The following ME1 variants were observed in gnomAD, a reference collection of about 807,000 sequenced individuals.
ME1 encodes the protein NADP-dependent malic enzyme.
Under a neutral mutation model 66.4 loss-of-function variants are expected in ME1, and 74 were observed. The observed-to-expected ratio is 1.11, with a 90% CI of 0.92 to 1.35. ME1 has a LOEUF of 1.35. Among genes scored for constraint, ME1 ranks in the 40% most tolerant of loss-of-function variants. The probability of loss-of-function intolerance (pLI) is 0.00; values close to 1 mark genes in which losing one functional copy is unlikely to be tolerated. For synonymous variants in ME1, 251 were observed against 235.6 expected (o/e 1.07, Z -0.60); for missense variants, 750 against 694.1 (o/e 1.08, Z -0.90).
At chr6:83,235,888 G>A (rs1483629196) in intron 9 of ME1, among the ~76,000 whole-genome samples, 3 of 151,916 alleles carry the variant, frequency 2.0e-5, no homozygotes, top group Non-Finnish European at 2.9e-5. Context: ...ACATATTTAT[G>A]TATATTAATT....
rs1200239613 is a variant in ME1 at position 83,315,401 on chromosome 6, C to A, written c.613G>T (p.Asp205Tyr). 3 of 1,578,256 alleles carry A rather than the reference C, an allele frequency of 1.9e-6. No individual in the cohort carries two copies. Among genetic ancestry groups the A allele is most frequent in the Middle Eastern group, 1.7e-4 (1 of 5,914 alleles). The change falls in exon 6 of 14, where the codon GAT (aspartate) becomes TAT (tyrosine). Residue 205 changes from aspartate to tyrosine, a missense_variant. By Grantham distance (160) the Asp-to-Tyr change is radical (BLOSUM62 -3). Transcript: ENST00000369705. ...TGCCGTAGTCCAATGTAGAGTGGAT[C>A]TTTAAGTAACTCCTATTAAAAAAAG... ...VGTENEELLK[D>Y]PLYIGLRQRR...
chr6:83,430,809 ACCTGCAAGAGGGC>A, intron 1 of ME1, 55 bp downstream of exon 1: 1 of 1,346,866 alleles, frequency 7.4e-7, no homozygotes, highest in Non-Finnish European at 1.0e-6. Context: ...TGGTGCGGGG[ACCTGCAAGAGGGC>A]CCTGACCCTG....
intron 1 of ME1, among the ~76,000 whole-genome samples, chr6:83,416,888 T>C (rs866610966): frequency 2.8e-5 from 4 of 141,760 alleles, no homozygotes; most frequent in African/African-American, 5.1e-5. Context: ...AGAGTGAGAT[T>C]TGTCTAAAAA....
rs1054348214 is a variant in ME1, at chr6:83,211,071, C to T, written c.*853G>A. On this transcript the variant is annotated 3_prime_UTR_variant, in exon 14 of 14. Transcript: ENST00000369705. ...TCCTGAGATCTTTAAGAGGTCAGTT[C>T]CTCAGGCAGCCCTTTCTCAAGGATC... 32 of 152,188 alleles carry T rather than the reference C, an allele frequency of 2.1e-4. No homozygotes were observed. The highest frequency in any genetic ancestry group is 6.8e-4 in the African/African-American group (28 of 41,452). The allele number at this position is 152,188 out of a possible 1,614,324, so 9.4% of individuals were successfully genotyped here. A position where few individuals can be genotyped will look rare whatever the true frequency, so the allele number is the denominator to read the frequency against.
At chr6:83,290,079 C>A (rs558891686) in intron 6 of ME1, among the ~76,000 whole-genome samples, 2 of 152,152 alleles carry the variant, frequency 1.3e-5, no homozygotes, top group Non-Finnish European at 2.9e-5. Context: ...AAAAAACCAG[C>A]TCCTGCATTC....
chr6:83,213,733 G>A (rs958257548), intron 13 of ME1, among the ~76,000 whole-genome samples: 1 of 152,032 alleles, frequency 6.6e-6, no homozygotes, highest in East Asian at 1.9e-4. Flanking sequence ...TGATTTCAAA[G>A]AATATCAGAA....
chr6:83,351,838 G>T (rs1768807939), intron 4 of ME1, among the ~76,000 whole-genome samples: 1 of 151,988 alleles, frequency 6.6e-6, no homozygotes, highest in South Asian at 2.1e-4. Flanking sequence ...TAGAATGGAG[G>T]TACTAAGAAA....
At chr6:83,292,735 A>G (rs893628924) in intron 6 of ME1, among the ~76,000 whole-genome samples, 30 of 152,266 alleles carry the variant, frequency 2.0e-4, no homozygotes, top group African/African-American at 6.5e-4. Flanking sequence ...CCAGAGGTGG[A>G]ATCTAGAGAG....
intron 13 of ME1, among the ~76,000 whole-genome samples, chr6:83,215,822 C>A (rs976666674): frequency 6.6e-6 from 1 of 152,224 alleles, no homozygotes; most frequent in African/African-American, 2.4e-5. Context: ...GCCACACAGT[C>A]TGTGGCTTGA....
At chr6:83,372,462 G>C (rs1337735631) in intron 3 of ME1, among the ~76,000 whole-genome samples, 2 of 152,150 alleles carry the variant, frequency 1.3e-5, no homozygotes, top group Non-Finnish European at 2.9e-5. Context: ...CCAAGACCTA[G>C]TGTGGTTCTC....
chr6:83,352,648 G>A (rs1310505206), intron 3 of ME1, among the ~76,000 whole-genome samples: 1 of 152,110 alleles, frequency 6.6e-6, no homozygotes, highest in Non-Finnish European at 1.5e-5. Context: ...GAGCTCACTT[G>A]ATTTCTTTGA....
intron 3 of ME1, among the ~76,000 whole-genome samples, chr6:83,385,991 C>T (rs1769496911): frequency 6.6e-6 from 1 of 151,702 alleles, no homozygotes; most frequent in Admixed American, 6.6e-5. Context: ...ACAGTTAAGA[C>T]TTGAATTAGT....
chr6:83,357,681 C>T (rs1034520610), intron 3 of ME1, among the ~76,000 whole-genome samples: 13 of 151,808 alleles, frequency 8.6e-5, no homozygotes, highest in African/African-American at 3.1e-4. Flanking sequence ...TAATCAGCTG[C>T]CAGTGTGGCT....
At chr6:83,411,645 C>G (rs1238046127) in intron 1 of ME1, among the ~76,000 whole-genome samples, 3 of 152,120 alleles carry the variant, frequency 2.0e-5, no homozygotes, top group Non-Finnish European at 4.4e-5. Context: ...CATTATCCTG[C>G]AGGGCCTATC....
At chr6:83,396,134 C>T (rs116835745) in intron 3 of ME1, among the ~76,000 whole-genome samples, 4,370 of 152,064 alleles carry the variant, frequency 0.029, 216 homozygotes, top group African/African-American at 0.097. Context: ...GAGGCTGAGG[C>T]GGGTGGATCA....
At chr6:83,395,642 A>G (rs906369400) in intron 3 of ME1, among the ~76,000 whole-genome samples, 5 of 151,054 alleles carry the variant, frequency 3.3e-5, no homozygotes, top group African/African-American at 7.3e-5. Flanking sequence ...TGCCCAGCTA[A>G]TTTTTGTATT....
intron 9 of ME1, 169 bp from the exon 10 acceptor site, chr6:83,229,100 T>C (rs1790252235): frequency 1.6e-6 from 1 of 620,482 alleles, no homozygotes; most frequent in Non-Finnish European, 2.8e-6. Context: ...CATTCATTCG[T>C]TTAACAAATA....
chr6:83,354,258 C>T (rs982397279), intron 3 of ME1, among the ~76,000 whole-genome samples: 1 of 152,166 alleles, frequency 6.6e-6, no homozygotes, highest in Non-Finnish European at 1.5e-5. Flanking sequence ...TCTCAGGTGG[C>T]TAGGATTACA....
chr6:83,423,489 A>G (rs1227103162), intron 1 of ME1, among the ~76,000 whole-genome samples: 1 of 151,334 alleles, frequency 6.6e-6, no homozygotes, highest in African/African-American at 2.5e-5. Flanking sequence ...TCTTTAAAAT[A>G]TGTGTGACAG....
Sources: allele counts gnomAD v4.1 joint callset (sites outside exome capture counted in the v4.1 genomes callset), GRCh38; gene constraint gnomAD v4.1.1; transcripts MANE v1.5; gene names NCBI Gene and HGNC (gene_info 2026-07-23, HGNC 2026-07-21).